SPINK13: variants seen among roughly 807,000 people sequenced by gnomAD.
SPINK13 encodes serine peptidase inhibitor Kazal type 13.
SPINK13 carries 11 observed loss-of-function variants against 11.0 expected under a neutral mutation model. That is an observed-to-expected ratio of 1.00 (90% CI 0.63 to 1.65). SPINK13 has a LOEUF of 1.65. SPINK13 is among the 40% of genes most tolerant of loss of function. The pLI is 0.00. For missense variants in SPINK13, 113 were observed against 117.7 expected (o/e 0.96, Z 0.19); for synonymous variants, 31 against 35.6 (o/e 0.87, Z 0.46).
chr5:148,269,995 G>T, intron 1 of SPINK13, 45 bp from the exon 2 acceptor site: 1 of 1,402,204 alleles, frequency 7.1e-7, no homozygotes, highest in Non-Finnish European at 1.0e-6. Context: ...CATTGGAAAA[G>T]CTAGCTGTGG....
intron 4 of SPINK13, among the ~76,000 whole-genome samples, chr5:148,283,450 G>T (rs1756546911): frequency 6.6e-6 from 1 of 152,168 alleles, no homozygotes; most frequent in African/African-American, 2.4e-5. Context: ...CCAGGAGCTG[G>T]TTTGAGCATG....
chr5:148,285,410 T>C (rs1361296663), intron 4 of SPINK13, among the ~76,000 whole-genome samples: 1 of 152,184 alleles, frequency 6.6e-6, no homozygotes, highest in Non-Finnish European at 1.5e-5. Flanking sequence ...TTGTTCAATC[T>C]ACACAGTGCC....
chr5:148,269,187 G>T (rs7733564), intron 1 of SPINK13, among the ~76,000 whole-genome samples: 3,536 of 152,238 alleles, frequency 0.023, 166 homozygotes, highest in African/African-American at 0.081. Flanking sequence ...GCAAAGAAAA[G>T]TTGGGCTAAA....
rs1407408084 is a variant in SPINK13, at chr5:148,274,873, AAAAT to A, written c.108+495_108+498del. ...AAGCTTTAAAATATAATATTTTAGTAAAATAAATATCTTTATAGTCAAATAAGAT... is the reference window on the plus strand; with the variant it reads ...AAGCTTTAAAATATAATATTTTAGTAAAATATCTTTATAGTCAAATAAGAT... On this transcript the variant is annotated intron_variant, in intron 3 of 4. Transcript: ENST00000398450. Among the ~76,000 whole-genome samples, 12 of 152,346 alleles carry A rather than the reference AAAAT, an allele frequency of 7.9e-5. No individual in the cohort carries two copies. The East Asian group carries it at 2.3e-3, about 29-fold the overall frequency.
intron 3 of SPINK13, among the ~76,000 whole-genome samples, chr5:148,281,366 G>GC (rs1756512231): frequency 6.6e-6 from 1 of 152,132 alleles, no homozygotes; most frequent in Non-Finnish European, 1.5e-5. Context: ...CTCAGTGTCT[G>GC]CCCAAATGGG....
At chr5:148,277,442 A>G (rs1212759792) in intron 3 of SPINK13, among the ~76,000 whole-genome samples, 1 of 152,172 alleles carries the variant, frequency 6.6e-6, no homozygotes, top group Non-Finnish European at 1.5e-5. Context: ...TTATTTTGAG[A>G]TACATTCAAT....
At chr5:148,271,781 C>T (rs1177854253) in intron 2 of SPINK13, among the ~76,000 whole-genome samples, 2 of 152,062 alleles carry the variant, frequency 1.3e-5, no homozygotes, top group Non-Finnish European at 2.9e-5. Flanking sequence ...CCCGCCACCA[C>T]GCCTGGCTAA....
chr5:148,282,864 G>A (rs1473863297), intron 4 of SPINK13, among the ~76,000 whole-genome samples: 3 of 152,138 alleles, frequency 2.0e-5, no homozygotes, highest in Non-Finnish European at 2.9e-5. Context: ...AATCAGCCCT[G>A]TGTCTTGTCA....
chr5:148,271,791 A>AT (rs1221426669), intron 2 of SPINK13, among the ~76,000 whole-genome samples: 3 of 151,992 alleles, frequency 2.0e-5, no homozygotes, highest in Non-Finnish European at 4.4e-5. Flanking sequence ...CGCCTGGCTA[A>AT]TTTTTTGTAT....
intron 3 of SPINK13, among the ~76,000 whole-genome samples, chr5:148,281,131 C>T (rs1471991683): frequency 1.3e-5 from 2 of 152,178 alleles, no homozygotes; most frequent in Admixed American, 6.5e-5. Flanking sequence ...GACGCCCCTC[C>T]CCCCACCAAG....
intron 3 of SPINK13, among the ~76,000 whole-genome samples, chr5:148,277,873 G>A (rs1264192284): frequency 6.6e-6 from 1 of 152,158 alleles, no homozygotes; most frequent in Non-Finnish European, 1.5e-5. Context: ...TGTACCTCTG[G>A]TAGAATTCAG....
chr5:148,272,890 G>A (rs1756371690), intron 2 of SPINK13, among the ~76,000 whole-genome samples: 1 of 152,122 alleles, frequency 6.6e-6, no homozygotes, highest in African/African-American at 2.4e-5. Flanking sequence ...TTTTGCAAAA[G>A]CATGGAATAA....
chr5:148,282,006 T>C (rs942602722), intron 3 of SPINK13, 98 bp from the exon 4 acceptor site: 1 of 1,478,848 alleles, frequency 6.8e-7, no homozygotes, highest in East Asian at 2.3e-5. Context: ...TTGACTGGTA[T>C]GATTTAATAT....
chr5:148,281,837 C>T (rs747147257), intron 3 of SPINK13, among the ~76,000 whole-genome samples: 18 of 152,278 alleles, frequency 1.2e-4, no homozygotes, highest in Non-Finnish European at 2.5e-4. Flanking sequence ...AGTATCTCCA[C>T]TCATAAACAT....
At chr5:148,282,866 G>A (rs1756538657) in intron 4 of SPINK13, among the ~76,000 whole-genome samples, 1 of 152,158 alleles carries the variant, frequency 6.6e-6, no homozygotes, top group Non-Finnish European at 1.5e-5. Flanking sequence ...TCAGCCCTGT[G>A]TCTTGTCAGT....
intron 2 of SPINK13, among the ~76,000 whole-genome samples, chr5:148,273,140 T>C (rs1338251639): frequency 2.0e-5 from 3 of 152,290 alleles, no homozygotes; most frequent in South Asian, 4.1e-4. Flanking sequence ...GCATAAATTA[T>C]ATTTGCATGC....
chr5:148,284,727 A>G (rs903635938), intron 4 of SPINK13, among the ~76,000 whole-genome samples: 2 of 152,170 alleles, frequency 1.3e-5, no homozygotes, highest in African/African-American at 4.8e-5. Context: ...GCCCTGGCAA[A>G]TTGGACTCAC....
At chr5:148,277,663 C>T (rs933253638) in intron 3 of SPINK13, among the ~76,000 whole-genome samples, 3 of 152,180 alleles carry the variant, frequency 2.0e-5, no homozygotes, top group African/African-American at 7.2e-5. Flanking sequence ...GTATGTGCTG[C>T]TGGATTCAGT....
intron 3 of SPINK13, among the ~76,000 whole-genome samples, chr5:148,279,645 A>ATC (rs1451410700): frequency 6.6e-6 from 1 of 152,172 alleles, no homozygotes; most frequent in East Asian, 1.9e-4. Flanking sequence ...CTGCAGAGAG[A>ATC]TCCACTGTTA....
Sources: gnomAD v4.1 joint callset for allele counts (sites outside exome capture counted in the v4.1 genomes callset) on GRCh38, gnomAD v4.1.1 for gene constraint, MANE v1.5 for transcripts, NCBI Gene and HGNC (gene_info 2026-07-23, HGNC 2026-07-21) for gene names.